The following MAGI2 variants were observed in gnomAD, a reference collection of about 807,000 sequenced individuals.
MAGI2 encodes membrane associated guanylate kinase, WW and PDZ domain containing 2, also known as membrane-associated guanylate kinase, WW and PDZ domain-containing protein 2.
Under a neutral mutation model 133.3 loss-of-function variants are expected in MAGI2, and 35 were observed. The ratio of observed to expected loss-of-function variants is 0.26; its 90% CI spans 0.20 to 0.35. The LOEUF is 0.35. Among genes scored for constraint, MAGI2 ranks in the 10% least tolerant of loss-of-function variants. The pLI is 1.00. For synonymous variants in MAGI2, 729 were observed against 710.6 expected, an observed-to-expected ratio of 1.03 and a Z score of -0.41; for missense variants, 1,636 against 1,863.4, an observed-to-expected ratio of 0.88 and a Z score of 2.25.
At chr7:78,461,820 A>C (rs1222242853) in intron 6 of MAGI2, among the ~76,000 whole-genome samples, 1 of 146,792 alleles carries the variant, frequency 6.8e-6, no homozygotes, top group East Asian at 2.2e-4. Flanking sequence ...CTGAGGCAGG[A>C]GAATTGCTTG....
intron 3 of MAGI2, among the ~76,000 whole-genome samples, chr7:78,538,095 C>G (rs1180501817): frequency 2.0e-5 from 3 of 152,248 alleles, no homozygotes; most frequent in Non-Finnish European, 4.4e-5. Context: ...GCCCTTTCCC[C>G]CTGTATGTTT....
chr7:79,022,576 C>G (rs1399065826), intron 1 of MAGI2, among the ~76,000 whole-genome samples: 1 of 148,222 alleles, frequency 6.7e-6, no homozygotes. Context: ...AAACATAAAC[C>G]TTCTTTGAAA....
chr7:79,088,897 T>C (rs1375292472), intron 1 of MAGI2, among the ~76,000 whole-genome samples: 4 of 152,068 alleles, frequency 2.6e-5, no homozygotes, highest in Non-Finnish European at 5.9e-5. Context: ...GGGCAAAGAC[T>C]TCATGACTGA....
chr7:78,019,558 G>A lies in MAGI2; in HGVS notation c.4125C>T (p.Ser1375=). The part of the protein sequence containing the change: ...GKEAPRAAAG[S]ELCRREGPGA... ...CCGGGCCTTCGCGCCGGCAGAGCTC[G>A]GAGCCCGCCGCCGCACGGGGCGCCT... The change falls in exon 22 of 22, where the codon TCC becomes TCT. Residue 1375 remains serine, a synonymous_variant. Transcript: ENST00000354212. The A allele has an allele frequency of 1.1e-5, 11 of 980,130 alleles. No homozygotes were observed. Among genetic ancestry groups the A allele is most frequent in the Non-Finnish European group, 1.3e-5 (11 of 827,994 alleles). The allele number at this position is 980,130 out of a possible 1,614,324, so 60.7% of individuals were successfully genotyped here.
At chr7:78,712,092 A>G (rs1235169749) in intron 2 of MAGI2, among the ~76,000 whole-genome samples, 1 of 152,226 alleles carries the variant, frequency 6.6e-6, no homozygotes, top group African/African-American at 2.4e-5. Context: ...AAAATAGCTA[A>G]GCAAGACATT....
chr7:79,028,532 C>A (rs1810253038), intron 1 of MAGI2, among the ~76,000 whole-genome samples: 2 of 151,604 alleles, frequency 1.3e-5, no homozygotes, highest in African/African-American at 4.8e-5. Context: ...TTTATACTGT[C>A]CAATGACTTA....
chr7:79,291,121 C>T (rs952339932), intron 1 of MAGI2, among the ~76,000 whole-genome samples: 39 of 151,980 alleles, frequency 2.6e-4, no homozygotes, highest in African/African-American at 8.2e-4. Flanking sequence ...TACTTTTTGT[C>T]TCTGTGGATT....
chr7:79,331,917 G>A (rs1276466460), intron 1 of MAGI2, among the ~76,000 whole-genome samples: 2 of 150,078 alleles, frequency 1.3e-5, no homozygotes, highest in African/African-American at 4.9e-5. Flanking sequence ...TGCACAATGT[G>A]CACATGTACC....
chr7:79,028,273 GTA>G (rs1562805388), intron 1 of MAGI2, among the ~76,000 whole-genome samples: 2 of 20,668 alleles, frequency 9.7e-5, no homozygotes, highest in African/African-American at 2.5e-4. Flanking sequence ...ATATATGTAT[GTA>G]TGTATATATA....
At chr7:78,097,063 A>G (rs1817760747) in intron 20 of MAGI2, among the ~76,000 whole-genome samples, 1 of 152,194 alleles carries the variant, frequency 6.6e-6, no homozygotes, top group African/African-American at 2.4e-5. Flanking sequence ...TATGAAAAAA[A>G]ACCTCAACAT....
At chr7:79,059,105 C>G (rs61061046) in intron 1 of MAGI2, among the ~76,000 whole-genome samples, 1 of 151,898 alleles carries the variant, frequency 6.6e-6, no homozygotes, top group Admixed American at 6.6e-5. Context: ...ACTGCAATTA[C>G]TTTTGCACCA....
intron 2 of MAGI2, among the ~76,000 whole-genome samples, chr7:78,895,044 T>C (rs1226097458): frequency 2.0e-5 from 3 of 152,164 alleles, no homozygotes; most frequent in African/African-American, 7.2e-5. Flanking sequence ...TGATAAGAGT[T>C]ATGAGGCCTC....
intron 7 of MAGI2, among the ~76,000 whole-genome samples, chr7:78,360,538 G>T (rs1450454416): frequency 6.6e-6 from 1 of 152,208 alleles, no homozygotes; most frequent in African/African-American, 2.4e-5. Flanking sequence ...AATCTCGAGA[G>T]AGGAAAACTA....
intron 5 of MAGI2, among the ~76,000 whole-genome samples, chr7:78,500,567 C>T (rs1339550134): frequency 6.6e-6 from 1 of 152,036 alleles, no homozygotes; most frequent in African/African-American, 2.4e-5. Context: ...AAAGAAAAGC[C>T]TGACATTATT....
At chr7:78,109,326 A>AAAAAAAAAAAC in intron 20 of MAGI2, among the ~76,000 whole-genome samples, 1 of 135,950 alleles carries the variant, frequency 7.4e-6, no homozygotes, top group Non-Finnish European at 1.6e-5. Flanking sequence ...AAAAAAAAAA[A>AAAAAAAAAAAC]AAAAAAAAGA....
intron 1 of MAGI2, among the ~76,000 whole-genome samples, chr7:79,087,499 T>C (rs1410227865): frequency 1.3e-5 from 2 of 152,028 alleles, no homozygotes; most frequent in Non-Finnish European, 2.9e-5. Flanking sequence ...CATAAGTTTA[T>C]GGAGCATTTA....
intron 3 of MAGI2, chr7:78,621,390 T>C (rs1394033880): frequency 6.6e-6 from 1 of 152,000 alleles, no homozygotes; most frequent in Non-Finnish European, 1.5e-5. Flanking sequence ...TTATTAATAA[T>C]CAATTTATTA....
intron 1 of MAGI2, among the ~76,000 whole-genome samples, chr7:79,012,912 C>T (rs1808316174): frequency 6.6e-6 from 1 of 152,120 alleles, no homozygotes; most frequent in Non-Finnish European, 1.5e-5. Flanking sequence ...CCACACATGG[C>T]CAAGAGGAAA....
chr7:78,627,354 T>C, intron 2 of MAGI2, 115 bp from the exon 3 acceptor site: 3 of 979,160 alleles, frequency 3.1e-6, no homozygotes, highest in South Asian at 2.9e-5. Flanking sequence ...ATCCTGCAAG[T>C]TGGCAGTTTG....
Sources: gnomAD v4.1 joint callset for allele counts (sites outside exome capture counted in the v4.1 genomes callset) on GRCh38, gnomAD v4.1.1 for gene constraint, MANE v1.5 for transcripts, NCBI Gene and HGNC (gene_info 2026-07-23, HGNC 2026-07-21) for gene names.